The following WDR7 variants were observed in gnomAD, a reference collection of about 807,000 sequenced individuals.
WDR7 encodes WD repeat domain 7, also known as WD repeat-containing protein 7.
WDR7 carries 46 observed loss-of-function variants against 169.4 expected under a neutral mutation model. The observed-to-expected ratio is 0.27, with a 90% confidence interval of 0.21 to 0.35. The LOEUF is 0.35. Ranked by LOEUF, WDR7 falls within the 10% of genes least tolerant of loss-of-function variation. The probability of loss-of-function intolerance (pLI) is 1.00; values close to 1 mark genes in which losing one functional copy is unlikely to be tolerated. For missense variants in WDR7, 1,534 were observed against 1,859.3 expected (o/e 0.83, Z 3.22); for synonymous variants, 612 against 666.8 (o/e 0.92, Z 1.27).
chr18:56,703,993 T>C (rs2025893962), intron 12 of WDR7, among the ~76,000 whole-genome samples: 1 of 152,198 alleles, frequency 6.6e-6, no homozygotes, highest in South Asian at 2.1e-4. Context: ...GGAATAGGTT[T>C]GTACAGTCAC....
intron 19 of WDR7, among the ~76,000 whole-genome samples, chr18:56,802,908 T>G (rs1054078032): frequency 6.6e-6 from 1 of 151,894 alleles, no homozygotes; most frequent in Non-Finnish European, 1.5e-5. Flanking sequence ...GATTTTCTCC[T>G]GTGTTTTTTT....
At chr18:56,986,595 G>A (rs1277463676) in intron 26 of WDR7, among the ~76,000 whole-genome samples, 2 of 152,042 alleles carry the variant, frequency 1.3e-5, no homozygotes, top group Non-Finnish European at 2.9e-5. Context: ...GCCTTAGTGG[G>A]CTGCCTCTGG....
chr18:56,684,692 G>A (rs1168959034), intron 5 of WDR7, among the ~76,000 whole-genome samples: 7 of 152,302 alleles, frequency 4.6e-5, no homozygotes, highest in East Asian at 1.9e-4. Flanking sequence ...ATTTCCTGCC[G>A]CTGTTCTTCA....
intron 1 of WDR7, among the ~76,000 whole-genome samples, chr18:56,653,585 G>A (rs2024702892): frequency 6.6e-6 from 1 of 152,144 alleles, no homozygotes; most frequent in Admixed American, 6.5e-5. Context: ...TGTATGATGT[G>A]TATTCTTCTG....
intron 12 of WDR7, among the ~76,000 whole-genome samples, chr18:56,709,425 T>G (rs2026034870): frequency 1.3e-5 from 2 of 152,316 alleles, no homozygotes; most frequent in South Asian, 4.1e-4. Context: ...GGTATATAAT[T>G]ACATAATAAT....
At chr18:56,808,629 G>T (rs12326951) in intron 19 of WDR7, among the ~76,000 whole-genome samples, 1 of 151,846 alleles carries the variant, frequency 6.6e-6, no homozygotes, top group African/African-American at 2.4e-5. Context: ...TTTTGTTCTC[G>T]CATTTCATGT....
At chr18:56,771,228 C>T (rs2044150151) in intron 16 of WDR7, among the ~76,000 whole-genome samples, 1 of 152,108 alleles carries the variant, frequency 6.6e-6, no homozygotes, top group African/African-American at 2.4e-5. Flanking sequence ...TCATTAATTT[C>T]CAAATACATC....
At chr18:56,681,476 T>G in intron 4 of WDR7, 85 bp downstream of exon 4, 1 of 906,776 alleles carries the variant, frequency 1.1e-6, no homozygotes, top group Non-Finnish European at 1.5e-6. Flanking sequence ...GCCTATATTT[T>G]TATATGAAAA....
intron 14 of WDR7, among the ~76,000 whole-genome samples, chr18:56,746,066 G>T (rs1171659883): frequency 6.6e-6 from 1 of 152,128 alleles, no homozygotes; most frequent in Non-Finnish European, 1.5e-5. Context: ...GGTATTGCAG[G>T]CCCTAAAATT....
chr18:56,915,625 A>AG (rs1441417584), intron 21 of WDR7, among the ~76,000 whole-genome samples: 3 of 152,132 alleles, frequency 2.0e-5, no homozygotes, highest in East Asian at 3.9e-4. Flanking sequence ...TGACTAGCCT[A>AG]GGGGGGACCA....
At chr18:56,879,168 A>G (rs1486830804) in intron 20 of WDR7, among the ~76,000 whole-genome samples, 1 of 152,140 alleles carries the variant, frequency 6.6e-6, no homozygotes, top group Non-Finnish European at 1.5e-5. Context: ...CCACATGGTA[A>G]CCCTATGTCT....
intron 12 of WDR7, among the ~76,000 whole-genome samples, chr18:56,716,833 C>T (rs1274575114): frequency 1.3e-5 from 2 of 152,218 alleles, no homozygotes; most frequent in East Asian, 1.9e-4. Context: ...AAAACAACAG[C>T]TACTACCCAA....
chr18:56,901,910 C>T (rs2046407654), intron 21 of WDR7, among the ~76,000 whole-genome samples: 1 of 152,042 alleles, frequency 6.6e-6, no homozygotes, highest in African/African-American at 2.4e-5. Context: ...ATAAAAATGG[C>T]AAGCAGAGGA....
Position 56,860,164 on chromosome 18 carries a change from G to C in WDR7, c.3305-19780G>C, listed in dbSNP as rs7244596. On this transcript the variant is annotated intron_variant, in intron 20 of 27. Transcript: ENST00000254442. Reference sequence around the variant, plus strand: ...CCTCTGCTGACTGGAAGCACAGAATGATGGGCCCATGCTTTCAAGAATATG... The same window carrying C: ...CCTCTGCTGACTGGAAGCACAGAATCATGGGCCCATGCTTTCAAGAATATG... Among the ~76,000 whole-genome samples, 1,169 of 152,220 alleles carry C rather than the reference G, an allele frequency of 7.7e-3. 16 individuals are homozygous for C. Among genetic ancestry groups the C allele is most frequent in the African/African-American group, 0.027 (1,126 of 41,532 alleles).
chr18:56,661,603 C>A (rs1338932191), intron 1 of WDR7, among the ~76,000 whole-genome samples: 1 of 152,116 alleles, frequency 6.6e-6, no homozygotes, highest in Admixed American at 6.5e-5. Context: ...TTTAACCAAG[C>A]AGTCCTAAAG....
chr18:56,966,367 T>A (rs2145786463), intron 26 of WDR7, among the ~76,000 whole-genome samples: 1 of 152,174 alleles, frequency 6.6e-6, no homozygotes, highest in Non-Finnish European at 1.5e-5. Flanking sequence ...CAACCCCTCT[T>A]CTTCATCCTC....
intron 20 of WDR7, among the ~76,000 whole-genome samples, chr18:56,865,206 A>G (rs1325896881): frequency 6.6e-6 from 1 of 152,076 alleles, no homozygotes; most frequent in African/African-American, 2.4e-5. Context: ...TTTTAGGAAG[A>G]GTGAATGATG....
intron 21 of WDR7, among the ~76,000 whole-genome samples, chr18:56,917,498 A>G (rs1325891432): frequency 1.3e-5 from 2 of 152,212 alleles, no homozygotes; most frequent in East Asian, 1.9e-4. Context: ...TAAATGTTCC[A>G]AAAAAGAAAT....
At chr18:57,004,102 T>G (rs1300836512) in intron 26 of WDR7, among the ~76,000 whole-genome samples, 1 of 151,992 alleles carries the variant, frequency 6.6e-6, no homozygotes, top group African/African-American at 2.4e-5. Flanking sequence ...TCACCTGGCC[T>G]ACACAGTAAT....
Sources: allele counts gnomAD v4.1 joint callset (sites outside exome capture counted in the v4.1 genomes callset), GRCh38; gene constraint gnomAD v4.1.1; transcripts MANE v1.5; gene names NCBI Gene and HGNC (gene_info 2026-07-23, HGNC 2026-07-21).